The following TTBK2 variants were observed in gnomAD, a reference collection of about 807,000 sequenced individuals.
The protein encoded by TTBK2 is tau tubulin kinase 2.
TTBK2 carries 28 observed loss-of-function variants against 110.8 expected under a neutral mutation model. That is an observed-to-expected ratio of 0.25 (90% confidence interval 0.19 to 0.35). TTBK2 has a LOEUF of 0.35. Among genes scored for constraint, TTBK2 ranks in the 10% least tolerant of loss-of-function variants. TTBK2 has a pLI of 1.00. For missense variants in TTBK2, 1,369 were observed against 1,500.3 expected (o/e 0.91, Z 1.45); for synonymous variants, 532 against 527.3 (o/e 1.01, Z -0.12).
At chr15:42,806,511 C>T (rs757578979) in intron 9 of TTBK2, among the ~76,000 whole-genome samples, 4 of 152,190 alleles carry the variant, frequency 2.6e-5, no homozygotes, top group South Asian at 2.1e-4. Context: ...GCCTACAAGG[C>T]CCTGCATTAT....
At chr15:42,905,014 G>A (rs1457559291) in intron 1 of TTBK2, among the ~76,000 whole-genome samples, 1 of 151,898 alleles carries the variant, frequency 6.6e-6, no homozygotes, top group African/African-American at 2.4e-5. Context: ...TGGGACTACA[G>A]AAACATGCCA....
At chr15:42,848,629 T>C (rs551174998) in intron 3 of TTBK2, among the ~76,000 whole-genome samples, 80 of 152,282 alleles carry the variant, frequency 5.3e-4, no homozygotes, top group Admixed American at 1.4e-3. Context: ...TAGCTGGGAT[T>C]ACAGGAATGC....
At position 42,823,738 on chromosome 15, in the gene TTBK2, A is replaced by T. The variant is rs72713784; in HGVS notation, c.537+4190T>A. On this transcript the variant is annotated intron_variant, in intron 6 of 14. Transcript: ENST00000267890. ...TCCTAAACATTATTTTTTTTGTGTG[A>T]TTTTTTTTTTTTTTAGCTCATCAGC... 3.9e-3 allele frequency among the ~76,000 whole-genome samples: 560 copies of T among 145,300 alleles called. 2 individuals are homozygous for T. The highest frequency in any genetic ancestry group is 9.9e-3 in the South Asian group (46 of 4,632).
intron 2 of TTBK2, among the ~76,000 whole-genome samples, chr15:42,875,905 C>CAAAAAAA (rs57982301): frequency 1.6e-4 from 9 of 56,856 alleles, no homozygotes; most frequent in South Asian, 1.5e-3. Context: ...GACTCCGTCT[C>CAAAAAAA]AAAAAAAAAA....
intron 9 of TTBK2, among the ~76,000 whole-genome samples, chr15:42,807,718 T>G (rs760127777): frequency 5.9e-5 from 9 of 152,150 alleles, no homozygotes; most frequent in Non-Finnish European, 7.4e-5. Context: ...ATTACAAGCA[T>G]GAACCACTGT....
chr15:42,795,254 T>C (rs544971259), intron 9 of TTBK2, among the ~76,000 whole-genome samples: 7 of 142,568 alleles, frequency 4.9e-5, no homozygotes, highest in African/African-American at 2.0e-4. Context: ...TGTGCTTTCC[T>C]TCATTTTTTT....
rs2061735196 is a variant in TTBK2 at position 42,739,143 on chromosome 15, T to C, written c.*6652A>G. 1 of 152,210 alleles carries C rather than the reference T, an allele frequency of 6.6e-6. No individual in the cohort carries two copies. The highest frequency in any genetic ancestry group is 2.1e-4 in the South Asian group (1 of 4,830). The allele number at this position is 152,210 out of a possible 1,614,324, so 9.4% of individuals were successfully genotyped here. ...GTGGCCTATACAAAAGCACTCCATG[T>C]TTCTGCCGATACTCTGTCCTTGGTT... On this transcript the variant is annotated 3_prime_UTR_variant, in exon 15 of 15. Coordinates refer to ENST00000267890, the MANE Select transcript of TTBK2 (RefSeq NM_173500.4).
rs996508063 is a variant in TTBK2 at position 42,792,713 on chromosome 15, T to C, written c.980+1931A>G. 3.3e-5 allele frequency among the ~76,000 whole-genome samples: 5 copies of C among 152,300 alleles called. No individual in the cohort carries two copies. The East Asian group carries it at 9.6e-4, about 29-fold the overall frequency. The stretch of plus-strand genomic sequence containing the variant: ...TATAAAGTCTTCTGGCAGGGGTAGG[T>C]GAGGCAAGAGCATGAAAGATACTGC... On this transcript the variant is annotated intron_variant, in intron 10 of 14. Transcript: ENST00000267890.
intron 10 of TTBK2, among the ~76,000 whole-genome samples, chr15:42,786,133 GAA>G (rs11299124): frequency 8.7e-5 from 13 of 150,288 alleles, no homozygotes; most frequent in African/African-American, 2.9e-4. Context: ...AAAAAAGAAA[GAA>G]AAAAAAAAAA....
At position 42,830,228 on chromosome 15, in the gene TTBK2, C is replaced by T. The variant is rs1225844415; in HGVS notation, c.292-150G>A. The T allele has an allele frequency of 4.9e-5, 46 of 934,386 alleles. No individual in the cohort carries two copies. In the East Asian group the frequency reaches 1.2e-3, roughly 25 times the overall value. 57.9% of individuals were successfully genotyped at this position (934,386 alleles called of 1,614,324 possible). ...TTGAGAGGGAGTTTCACTCTTGTTG[C>T]CCAGGCTGGAGTGCAATGGTGCGAT... On this transcript the variant is annotated intron_variant, in intron 4 of 14. Transcript: ENST00000267890.
intron 1 of TTBK2, among the ~76,000 whole-genome samples, chr15:42,897,492 T>C (rs942129095): frequency 2.0e-5 from 3 of 152,102 alleles, no homozygotes; most frequent in African/African-American, 7.2e-5. Flanking sequence ...TCATGCTCCC[T>C]AGCCTTTTAG....
chr15:42,801,947 G>C (rs752626146), intron 9 of TTBK2: 3 of 1,586,860 alleles, frequency 1.9e-6, no homozygotes, highest in African/African-American at 1.3e-5. Context: ...AGCTTCTCCT[G>C]GCCCAGAGTC....
Position 42,765,481 on chromosome 15 carries a change from C to T in TTBK2, c.1998+9654G>A, listed in dbSNP as rs181460470. ...AACTACATGATGCATGCACAAGCTT[C>T]AGTAGCCGATTCTATCATGTGGAAG... On this transcript the variant is annotated intron_variant, in intron 13 of 14. Transcript: ENST00000267890. Among the ~76,000 whole-genome samples the T allele has an allele frequency of 2.0e-4, 31 of 152,258 alleles. 1 individual carries two copies. Among genetic ancestry groups the T allele is most frequent in the African/African-American group, 7.2e-4 (30 of 41,536 alleles).
intron 3 of TTBK2, among the ~76,000 whole-genome samples, chr15:42,845,181 T>C (rs561962408): frequency 6.6e-6 from 1 of 152,216 alleles, no homozygotes; most frequent in South Asian, 2.1e-4. Context: ...AAATAATTAA[T>C]AGAGCTGACA....
chr15:42,851,172 C>G (rs1278799585), intron 3 of TTBK2, among the ~76,000 whole-genome samples: 1 of 151,096 alleles, frequency 6.6e-6, no homozygotes, highest in Non-Finnish European at 1.5e-5. Flanking sequence ...GGCATGAACC[C>G]GGGAGGCGGA....
Position 42,783,527 on chromosome 15 carries a change from C to T in TTBK2, c.1089G>A (p.Val363=), listed in dbSNP as rs1486061644. ...SDGENGIPVG[V]SPDKLPGSLG... is the part of the protein sequence containing the mutation. ...GAGATCCAGGCAATTTATCTGGTGA[C>T]ACACCAACAGGGATGCCATTTTCTC... Residue 363 remains valine, a synonymous_variant, in exon 11 of 15, where the codon GTG becomes GTA. Coordinates refer to ENST00000267890, the MANE Select transcript of TTBK2 (RefSeq NM_173500.4). 1 of 1,614,128 alleles carries T rather than the reference C, an allele frequency of 6.2e-7. No individual in the cohort carries two copies. Among genetic ancestry groups the T allele is most frequent in the East Asian group, 2.2e-5 (1 of 44,884 alleles).
At chr15:42,764,399 G>A (rs556004092) in intron 13 of TTBK2, among the ~76,000 whole-genome samples, 5 of 152,324 alleles carry the variant, frequency 3.3e-5, no homozygotes, top group African/African-American at 9.6e-5. Flanking sequence ...GGACACTCTC[G>A]CCCAAATACT....
At chr15:42,845,818 A>G (rs545921353) in intron 3 of TTBK2, among the ~76,000 whole-genome samples, 1 of 152,248 alleles carries the variant, frequency 6.6e-6, no homozygotes, top group African/African-American at 2.4e-5. Context: ...TAGATGGTCT[A>G]GCCTACTACA....
At chr15:42,886,607 C>T (rs978804477) in intron 1 of TTBK2, among the ~76,000 whole-genome samples, 4 of 152,126 alleles carry the variant, frequency 2.6e-5, no homozygotes, top group African/African-American at 7.2e-5. Context: ...AATTAGATTC[C>T]GGCCCTCAAA....
Sources: gnomAD v4.1 joint callset for allele counts (sites outside exome capture counted in the v4.1 genomes callset) on GRCh38, gnomAD v4.1.1 for gene constraint, MANE v1.5 for transcripts, NCBI Gene and HGNC (gene_info 2026-07-23, HGNC 2026-07-21) for gene names.